RBFOX1: variants seen among roughly 807,000 people sequenced by gnomAD.
The protein encoded by RBFOX1 is RNA binding fox-1 homolog 1, also known as RNA binding protein fox-1 homolog 1.
A neutral mutation model predicts 57.7 loss-of-function variants in RBFOX1; 8 were observed. That is an observed-to-expected ratio of 0.14 (90% CI 0.08 to 0.25). The LOEUF (loss-of-function observed/expected upper bound fraction) is 0.25, where lower values mean the gene tolerates loss of function less well. Among genes scored for constraint, RBFOX1 ranks in the 10% least tolerant of loss-of-function variants. RBFOX1 has a pLI of 1.00. For synonymous variants in RBFOX1, 326 were observed against 222.4 expected, an observed-to-expected ratio of 1.47 and a Z score of -4.15; for missense variants, 611 against 548.5, an observed-to-expected ratio of 1.11 and a Z score of -1.14.
intron 1 of RBFOX1, among the ~76,000 whole-genome samples, chr16:5,283,169 G>A (rs1405231600): frequency 6.6e-6 from 1 of 152,222 alleles, no homozygotes; most frequent in African/African-American, 2.4e-5. Context: ...CAAAAATTGA[G>A]GTTTGGGAAC....
At chr16:5,595,687 A>G (rs1166838326) in intron 2 of RBFOX1, among the ~76,000 whole-genome samples, 1 of 152,222 alleles carries the variant, frequency 6.6e-6, no homozygotes. Context: ...TCAGACAGCC[A>G]CTACCTCCCT....
intron 4 of RBFOX1, among the ~76,000 whole-genome samples, chr16:7,157,567 A>T (rs1352878516): frequency 1.3e-5 from 2 of 152,156 alleles, no homozygotes; most frequent in African/African-American, 4.8e-5. Context: ...GCTTAAGTCC[A>T]GGCACGTGAA....
At chr16:7,175,621 C>T (rs1463243098) in intron 4 of RBFOX1, among the ~76,000 whole-genome samples, 1 of 152,174 alleles carries the variant, frequency 6.6e-6, no homozygotes, top group Non-Finnish European at 1.5e-5. Flanking sequence ...GGGTTTGGAT[C>T]CATTATCTCA....
At chr16:6,882,969 A>G (rs2063263860) in intron 3 of RBFOX1, among the ~76,000 whole-genome samples, 1 of 152,118 alleles carries the variant, frequency 6.6e-6, no homozygotes, top group South Asian at 2.1e-4. Flanking sequence ...CAATCAATAA[A>G]TTGCCATTTC....
intron 4 of RBFOX1, among the ~76,000 whole-genome samples, chr16:7,373,299 C>T (rs1160718059): frequency 1.3e-5 from 2 of 152,080 alleles, no homozygotes; most frequent in Non-Finnish European, 2.9e-5. Flanking sequence ...ACATACGTTA[C>T]ATTTGAATTT....
intron 2 of RBFOX1, among the ~76,000 whole-genome samples, chr16:6,555,490 G>A (rs2097081884): frequency 6.6e-6 from 1 of 152,090 alleles, no homozygotes; most frequent in Non-Finnish European, 1.5e-5. Context: ...ACGAGGTCAG[G>A]AGATCGAGAC....
chr16:6,719,660 A>C (rs1385662772), intron 3 of RBFOX1, among the ~76,000 whole-genome samples: 1 of 150,894 alleles, frequency 6.6e-6, no homozygotes, highest in African/African-American at 2.4e-5. Flanking sequence ...GTTAGCTAGG[A>C]TGGTCTTGAT....
chr16:6,228,535 A>C (rs1367890831), intron 1 of RBFOX1, among the ~76,000 whole-genome samples: 1 of 152,186 alleles, frequency 6.6e-6, no homozygotes, highest in Non-Finnish European at 1.5e-5. Flanking sequence ...CCTGGAGGAC[A>C]TTATGCTAAC....
At chr16:7,428,181 T>C (rs2098640824) in intron 4 of RBFOX1, among the ~76,000 whole-genome samples, 1 of 152,142 alleles carries the variant, frequency 6.6e-6, no homozygotes, top group East Asian at 1.9e-4. Context: ...CTTACGTATC[T>C]TTTCCCCTGA....
At chr16:5,699,893 G>A (rs963221537) in intron 3 of RBFOX1, among the ~76,000 whole-genome samples, 1 of 152,174 alleles carries the variant, frequency 6.6e-6, no homozygotes, top group Non-Finnish European at 1.5e-5. Context: ...GAGTGCAGTG[G>A]TGCGATCTCG....
At chr16:6,232,760 G>A (rs1447690515) in intron 1 of RBFOX1, among the ~76,000 whole-genome samples, 2 of 152,132 alleles carry the variant, frequency 1.3e-5, no homozygotes, top group East Asian at 1.9e-4. Context: ...CATTAATGCA[G>A]TGACCTCGAG....
At chr16:6,600,692 T>C (rs955440426) in intron 2 of RBFOX1, among the ~76,000 whole-genome samples, 3 of 152,180 alleles carry the variant, frequency 2.0e-5, no homozygotes, top group Non-Finnish European at 2.9e-5. Flanking sequence ...TACAAGTTTA[T>C]AGATTTACCA....
chr16:7,111,982 G>A (rs189981678), intron 4 of RBFOX1, among the ~76,000 whole-genome samples: 1 of 152,140 alleles, frequency 6.6e-6, no homozygotes, highest in Non-Finnish European at 1.5e-5. Flanking sequence ...ACCCTTGAAG[G>A]ACAGATACAG....
chr16:5,458,103 T>A (rs1290185458), intron 1 of RBFOX1, among the ~76,000 whole-genome samples: 1 of 152,226 alleles, frequency 6.6e-6, no homozygotes, highest in Non-Finnish European at 1.5e-5. Context: ...ATCTCTTTAC[T>A]ATTTCTATTT....
intron 3 of RBFOX1, among the ~76,000 whole-genome samples, chr16:5,746,247 G>T (rs1329808712): frequency 6.6e-6 from 1 of 152,202 alleles, no homozygotes; most frequent in Non-Finnish European, 1.5e-5. Flanking sequence ...TCAGATGGTT[G>T]TAGATGTGTG....
intron 4 of RBFOX1, among the ~76,000 whole-genome samples, chr16:7,357,823 T>C (rs1304189739): frequency 6.6e-5 from 10 of 152,244 alleles, no homozygotes; most frequent in Non-Finnish European, 1.2e-4. Flanking sequence ...CCTTCCTTAC[T>C]TTGTTACTCT....
intron 4 of RBFOX1, among the ~76,000 whole-genome samples, chr16:7,436,046 G>A (rs896622406): frequency 6.6e-6 from 1 of 152,244 alleles, no homozygotes. Flanking sequence ...AAAGCTCCCT[G>A]AACATCGTGA....
chr16:6,198,551 G>C (rs2097195341), intron 1 of RBFOX1, among the ~76,000 whole-genome samples: 1 of 152,064 alleles, frequency 6.6e-6, no homozygotes, highest in Admixed American at 6.5e-5. Flanking sequence ...AACCTCTGTG[G>C]GACTTAATTC....
At chr16:7,567,228 C>CCTATATATATCCATATATCT (rs2091946507) in intron 5 of RBFOX1, among the ~76,000 whole-genome samples, 1 of 116,748 alleles carries the variant, frequency 8.6e-6, no homozygotes, top group African/African-American at 3.0e-5. Flanking sequence ...TATATATATC[C>CCTATATATATCCATATATCT]CTATATATAT....
Sources: gnomAD v4.1 joint callset for allele counts (sites outside exome capture counted in the v4.1 genomes callset) on GRCh38, gnomAD v4.1.1 for gene constraint, MANE v1.5 for transcripts, NCBI Gene and HGNC (gene_info 2026-07-23, HGNC 2026-07-21) for gene names.